Variants in MACROD1 observed in about 807,000 individuals in gnomAD.
The protein encoded by MACROD1 is ADP-ribose glycohydrolase MACROD1.
MACROD1 carries 31 observed loss-of-function variants against 41.4 expected under a neutral mutation model. That is an observed-to-expected ratio of 0.75 (90% confidence interval 0.56 to 1.01). MACROD1 has a LOEUF of 1.01. Ranked by LOEUF, MACROD1 falls within the 50% of genes least tolerant of loss-of-function variation. The pLI, the probability that MACROD1 is intolerant of heterozygous loss-of-function variation, is 0.00. For missense variants in MACROD1, 473 were observed against 460.0 expected, an observed-to-expected ratio of 1.03 and a Z score of -0.26; for synonymous variants, 252 against 203.4, an observed-to-expected ratio of 1.24 and a Z score of -2.03.
intron 1 of MACROD1, among the ~76,000 whole-genome samples, chr11:64,153,725 C>G (rs1204844573): frequency 6.6e-6 from 1 of 152,170 alleles, no homozygotes; most frequent in Non-Finnish European, 1.5e-5. Context: ...TGGTCAGCCC[C>G]CACTGCTGCT....
intron 3 of MACROD1, among the ~76,000 whole-genome samples, chr11:64,083,644 G>T (rs147930172): frequency 3.9e-5 from 6 of 152,202 alleles, no homozygotes; most frequent in Non-Finnish European, 7.3e-5. Flanking sequence ...ATGAGAGGCC[G>T]CAGTGAGATG....
At chr11:64,058,528 C>A (rs989800193) in intron 3 of MACROD1, among the ~76,000 whole-genome samples, 1 of 152,258 alleles carries the variant, frequency 6.6e-6, no homozygotes, top group Non-Finnish European at 1.5e-5. Flanking sequence ...GAAGGGGCAG[C>A]AGATGCCCAG....
At chr11:64,132,530 G>A (rs115841454) in intron 3 of MACROD1, among the ~76,000 whole-genome samples, 3 of 152,170 alleles carry the variant, frequency 2.0e-5, no homozygotes, top group South Asian at 2.1e-4. Context: ...AGGGACGGGC[G>A]GGTCCTGAGC....
chr11:64,070,404 G>A (rs1158038865), intron 3 of MACROD1, among the ~76,000 whole-genome samples: 1 of 152,132 alleles, frequency 6.6e-6, no homozygotes, highest in Non-Finnish European at 1.5e-5. Flanking sequence ...AAATAGAGCC[G>A]GCCACGCCTC....
At chr11:64,074,286 T>C (rs1476546457) in intron 3 of MACROD1, among the ~76,000 whole-genome samples, 1 of 152,168 alleles carries the variant, frequency 6.6e-6, no homozygotes, top group Non-Finnish European at 1.5e-5. Context: ...TGAGGAAGGT[T>C]TCCCCACCTT....
At chr11:64,025,281 A>C (rs1943209858) in intron 3 of MACROD1, among the ~76,000 whole-genome samples, 1 of 152,236 alleles carries the variant, frequency 6.6e-6, no homozygotes, top group African/African-American at 2.4e-5. Context: ...TAGAAAACAA[A>C]GCAGGAGTTT....
In MACROD1 at chr11:64,062,468, C is replaced by T. The variant is rs771425128; in HGVS notation, c.518-47187G>A. 5.0e-4 allele frequency among the ~76,000 whole-genome samples: 76 copies of T among 152,320 alleles called. 2 individuals carry two copies. Among genetic ancestry groups the T allele is most frequent in the Middle Eastern group, 6.8e-3 (2 of 294 alleles). On this transcript the variant is annotated intron_variant, in intron 3 of 10. Transcript: ENST00000255681. ...GGAAGGCTCGCCTCACACAGGGCTGCAGGAAGCATCACAGATTTCAGCCAA... is the reference window on the plus strand; with the variant it reads ...GGAAGGCTCGCCTCACACAGGGCTGTAGGAAGCATCACAGATTTCAGCCAA...
At chr11:64,099,907 G>A (rs1944642073) in intron 3 of MACROD1, among the ~76,000 whole-genome samples, 1 of 151,956 alleles carries the variant, frequency 6.6e-6, no homozygotes, top group South Asian at 2.1e-4. Flanking sequence ...ATGGAAGGAT[G>A]GAGGGATGGA....
intron 3 of MACROD1, chr11:64,118,177 C>A: frequency 6.2e-6 from 10 of 1,613,652 alleles, no homozygotes; most frequent in East Asian, 2.2e-5. Flanking sequence ...GTGGTCCACA[C>A]TATCTTCCCC....
chr11:64,056,969 C>T (rs566646927), intron 3 of MACROD1, among the ~76,000 whole-genome samples: 36 of 152,200 alleles, frequency 2.4e-4, no homozygotes, highest in Non-Finnish European at 3.4e-4. Flanking sequence ...CCACCCAGCC[C>T]GGGTACAGCC....
chr11:64,110,463 A>G (rs1046796787), intron 3 of MACROD1, among the ~76,000 whole-genome samples: 1 of 151,420 alleles, frequency 6.6e-6, no homozygotes, highest in African/African-American at 2.4e-5. Context: ...AAAAAAAAAA[A>G]GAAAGAAATC....
In MACROD1 at chr11:64,146,309, A is replaced by T. The variant is rs926015240; in HGVS notation, c.517+4930T>A. On this transcript the variant is annotated intron_variant, in intron 3 of 10. Coordinates refer to ENST00000255681, the MANE Select transcript of MACROD1 (RefSeq NM_014067.4). The surrounding 1 kb of genome is among the most constrained non-coding windows in gnomAD (Gnocchi z 4.7). Reference sequence around the variant, plus strand: ...TCTCCCCAGACACAGGACTGAGGTCATAGGCAAGGCTGGAGAGGCAGGCAC... The same window carrying T: ...TCTCCCCAGACACAGGACTGAGGTCTTAGGCAAGGCTGGAGAGGCAGGCAC... 5.3e-5 allele frequency among the ~76,000 whole-genome samples: 8 copies of T among 152,320 alleles called. No individual in the cohort carries two copies. In the East Asian group the frequency reaches 1.5e-3, roughly 29 times the overall value.
intron 3 of MACROD1, among the ~76,000 whole-genome samples, chr11:64,028,969 C>T (rs1442192415): frequency 6.6e-6 from 1 of 152,174 alleles, no homozygotes; most frequent in Non-Finnish European, 1.5e-5. Context: ...CATCTGTTTC[C>T]GCAACCCCAG....
At chr11:64,161,238 C>T (rs1945750677) in intron 1 of MACROD1, among the ~76,000 whole-genome samples, 1 of 152,134 alleles carries the variant, frequency 6.6e-6, no homozygotes, top group South Asian at 2.1e-4. Flanking sequence ...TATGCTGGAA[C>T]ACTATACAGC....
chr11:63,999,950 C>T (rs1942791307), intron 5 of MACROD1, 187 bp from the exon 6 acceptor site: 3 of 708,216 alleles, frequency 4.2e-6, no homozygotes, highest in Non-Finnish European at 6.9e-6. Context: ...CAGAGCCCCG[C>T]GCCCCCTCCC....
At chr11:64,098,146 ACT>A (rs1944610160) in intron 3 of MACROD1, among the ~76,000 whole-genome samples, 1 of 151,620 alleles carries the variant, frequency 6.6e-6, no homozygotes, top group Non-Finnish European at 1.5e-5. Context: ...CAGCGAGAAC[ACT>A]CTTTCTAAAC....
At chr11:64,119,295 G>C (rs905124611) in intron 3 of MACROD1, 2 of 153,688 alleles carry the variant, frequency 1.3e-5, no homozygotes, top group Non-Finnish European at 2.9e-5. Context: ...GTATGTCTCA[G>C]ACGGGTGGCT....
At chr11:64,164,740 G>A (rs1449694979) in intron 1 of MACROD1, among the ~76,000 whole-genome samples, 3 of 151,846 alleles carry the variant, frequency 2.0e-5, no homozygotes, top group Non-Finnish European at 4.4e-5. Flanking sequence ...CAGCCCAGAG[G>A]CCACACCTAC....
intron 1 of MACROD1, among the ~76,000 whole-genome samples, chr11:64,156,934 G>A (rs969790058): frequency 6.6e-6 from 1 of 152,198 alleles, no homozygotes; most frequent in African/African-American, 2.4e-5. Context: ...CACTGCACTG[G>A]TTTCTGATTT....
Sources: allele counts gnomAD v4.1 joint callset (sites outside exome capture counted in the v4.1 genomes callset), GRCh38; gene constraint gnomAD v4.1.1; non-coding constraint Gnocchi (gnomAD v3.1); transcripts MANE v1.5; gene names NCBI Gene and HGNC (gene_info 2026-07-23, HGNC 2026-07-21).